The following TMTC2 variants were observed in gnomAD, a reference collection of about 807,000 sequenced individuals.
The protein encoded by TMTC2 is transmembrane O-mannosyltransferase targeting cadherins 2, also known as protein O-mannosyl-transferase TMTC2.
A neutral mutation model predicts 82.4 loss-of-function variants in TMTC2; 43 were observed. The observed-to-expected ratio is 0.52, with a 90% CI of 0.41 to 0.67. The LOEUF (loss-of-function observed/expected upper bound fraction) is 0.67. TMTC2 is among the 30% of genes least tolerant of loss of function. TMTC2 has a pLI of 0.00. For synonymous variants in TMTC2, 408 were observed against 381.9 expected (o/e 1.07, Z -0.80); for missense variants, 919 against 1,012.4 (o/e 0.91, Z 1.25).
At chr12:82,723,807 A>C (rs1874316536) in intron 1 of TMTC2, among the ~76,000 whole-genome samples, 1 of 152,194 alleles carries the variant, frequency 6.6e-6, no homozygotes, top group African/African-American at 2.4e-5. Context: ...CAAAGCATCT[A>C]GGACTTCTGA....
chr12:82,994,931 AC>A (rs1290929225), intron 8 of TMTC2, among the ~76,000 whole-genome samples: 7 of 150,442 alleles, frequency 4.7e-5, no homozygotes, highest in South Asian at 4.3e-4. Flanking sequence ...GGAAGATTCC[AC>A]CCCCCGCCCC....
chr12:83,086,980 C>CA (rs1883682655), intron 11 of TMTC2, among the ~76,000 whole-genome samples: 1 of 152,170 alleles, frequency 6.6e-6, no homozygotes. Context: ...CTTCCTTTCA[C>CA]AAAAGATTTC....
chr12:82,704,702 G>A (rs913120407), intron 1 of TMTC2, among the ~76,000 whole-genome samples: 5 of 150,484 alleles, frequency 3.3e-5, no homozygotes, highest in Non-Finnish European at 7.4e-5. Context: ...TGTACTTTAA[G>A]TTTTGTTCCA....
At chr12:82,986,279 T>G (rs1879151007) in intron 8 of TMTC2, 2 of 489,402 alleles carry the variant, frequency 4.1e-6, no homozygotes, top group South Asian at 5.0e-5. Context: ...ATCTAGATAA[T>G]ATGTGAGATG....
chr12:82,711,437 TAAAAA>T (rs547842827), intron 1 of TMTC2, among the ~76,000 whole-genome samples: 21 of 143,708 alleles, frequency 1.5e-4, no homozygotes, highest in Non-Finnish European at 2.1e-4. Context: ...AATATGTTGT[TAAAAA>T]AAAAAACGAA....
At chr12:83,028,092 T>C (rs1394806654) in intron 8 of TMTC2, among the ~76,000 whole-genome samples, 5 of 152,160 alleles carry the variant, frequency 3.3e-5, no homozygotes, top group African/African-American at 1.2e-4. Context: ...AGTGATGATT[T>C]TGTCAGATGA....
intron 4 of TMTC2, among the ~76,000 whole-genome samples, chr12:82,936,336 A>T (rs759109580): frequency 1.4e-4 from 21 of 152,096 alleles, no homozygotes; most frequent in Non-Finnish European, 3.1e-4. Context: ...ATTTTTTATG[A>T]AGCTAGATAA....
intron 1 of TMTC2, among the ~76,000 whole-genome samples, chr12:82,751,188 A>C (rs900846513): frequency 1.3e-5 from 2 of 152,180 alleles, no homozygotes; most frequent in East Asian, 1.9e-4. Context: ...ACATATACAC[A>C]ATGGAATACT....
intron 8 of TMTC2, among the ~76,000 whole-genome samples, chr12:83,029,844 C>A (rs1881352697): frequency 6.6e-6 from 1 of 152,134 alleles, no homozygotes; most frequent in South Asian, 2.1e-4. Context: ...AATGAAAAAT[C>A]AATTTGTTGT....
chr12:82,876,981 C>G lies in TMTC2; in HGVS notation c.655-18837C>G, dbSNP rs115432170. Among the ~76,000 whole-genome samples, 1,191 of 152,144 alleles carry G rather than the reference C, an allele frequency of 7.8e-3. 22 individuals are homozygous for G. Among genetic ancestry groups the G allele is most frequent in the African/African-American group, 0.027 (1,126 of 41,522 alleles). The stretch of plus-strand genomic sequence containing the variant: ...TAAATTTTTATCTATTTTAAGAATG[C>G]TTTCCTTCTCTCCAAATTGGCTAAT... On this transcript the variant is annotated intron_variant, in intron 2 of 11. Coordinates refer to ENST00000321196, the MANE Select transcript of TMTC2 (RefSeq NM_152588.3).
intron 4 of TMTC2, among the ~76,000 whole-genome samples, chr12:82,935,525 A>G (rs974272180): frequency 2.0e-5 from 3 of 152,192 alleles, no homozygotes; most frequent in African/African-American, 7.2e-5. Context: ...CAGATTTTAT[A>G]AGTATAGAGT....
chr12:82,709,741 A>G (rs1290678696), intron 1 of TMTC2, among the ~76,000 whole-genome samples: 1 of 152,244 alleles, frequency 6.6e-6, no homozygotes, highest in East Asian at 1.9e-4. Context: ...TGTATGTTAT[A>G]ATACTTATTT....
rs533691927 is a variant in TMTC2, at chr12:83,101,424, AG to A, written c.2332-30784del. Among the ~76,000 whole-genome samples the A allele has an allele frequency of 5.3e-5, 8 of 152,330 alleles. No individual in the cohort carries two copies. In the South Asian group the frequency reaches 1.7e-3, roughly 32 times the overall value. Reference sequence around the variant, plus strand: ...TCAGAAAATTCATGTTGGTGCAAATAGGTTTTCAGCATCTCTCAGTAACTCT... The same window carrying A: ...TCAGAAAATTCATGTTGGTGCAAATAGTTTTCAGCATCTCTCAGTAACTCT... On this transcript the variant is annotated intron_variant, in intron 11 of 11. Coordinates refer to ENST00000321196, the MANE Select transcript of TMTC2 (RefSeq NM_152588.3).
intron 4 of TMTC2, among the ~76,000 whole-genome samples, chr12:82,948,641 A>G (rs1877166565): frequency 6.6e-6 from 1 of 152,154 alleles, no homozygotes; most frequent in Non-Finnish European, 1.5e-5. Flanking sequence ...GCAGACTTTC[A>G]TTAGTGCACT....
chr12:83,062,813 A>G (rs1335799778), intron 11 of TMTC2, among the ~76,000 whole-genome samples: 2 of 151,834 alleles, frequency 1.3e-5, no homozygotes, highest in African/African-American at 2.4e-5. Context: ...CACAAAGAGG[A>G]GGATTAATGT....
chr12:83,058,680 T>G (rs1297322288), intron 10 of TMTC2, among the ~76,000 whole-genome samples: 1 of 151,838 alleles, frequency 6.6e-6, no homozygotes, highest in East Asian at 1.9e-4. Flanking sequence ...GTTCCTGGTA[T>G]GAATGATTTT....
intron 11 of TMTC2, among the ~76,000 whole-genome samples, chr12:83,115,829 C>T (rs912343665): frequency 1.4e-4 from 21 of 151,878 alleles, no homozygotes; most frequent in African/African-American, 4.4e-4. Context: ...TCAGTGTTGC[C>T]CAAGCTGGAG....
At chr12:82,748,055 G>A (rs778191237) in intron 1 of TMTC2, among the ~76,000 whole-genome samples, 37 of 151,884 alleles carry the variant, frequency 2.4e-4, no homozygotes, top group Non-Finnish European at 4.0e-4. Flanking sequence ...TCACGCCTGT[G>A]ATCCCAGCAC....
intron 2 of TMTC2, among the ~76,000 whole-genome samples, chr12:82,883,099 G>A (rs759926566): frequency 6.7e-6 from 1 of 149,208 alleles, no homozygotes; most frequent in Non-Finnish European, 1.5e-5. Context: ...CCTTATAGTC[G>A]GCCTCAGTTG....
Sources: allele counts gnomAD v4.1 joint callset (sites outside exome capture counted in the v4.1 genomes callset), GRCh38; gene constraint gnomAD v4.1.1; transcripts MANE v1.5; gene names NCBI Gene and HGNC (gene_info 2026-07-23, HGNC 2026-07-21).